The following KIAA1210 variants were observed in gnomAD, a reference collection of about 807,000 sequenced individuals.
The protein encoded by KIAA1210 is acrosomal protein KIAA1210.
Under a neutral mutation model 78.9 loss-of-function variants are expected in KIAA1210, and 48 were observed. The observed-to-expected ratio is 0.61, with a 90% CI of 0.48 to 0.77. KIAA1210 has a LOEUF of 0.77. KIAA1210 is among the 30% of genes least tolerant of loss of function. KIAA1210 has a pLI of 0.00. For missense variants in KIAA1210, 1,108 were observed against 1,100.0 expected (o/e 1.01, Z -0.10); for synonymous variants, 406 against 404.5 (o/e 1.00, Z -0.04).
At chrX:119,119,651 C>A (rs1221725155) in intron 2 of KIAA1210, among the ~76,000 whole-genome samples, 2 of 111,293 alleles carry the variant, frequency 1.8e-5, no homozygotes, top group South Asian at 3.9e-4. Context: ...TCGAGACCAG[C>A]CTGATCAACA....
intron 2 of KIAA1210, among the ~76,000 whole-genome samples, chrX:119,119,261 T>C (rs892275007): frequency 1.8e-5 from 2 of 112,372 alleles, no homozygotes; most frequent in African/African-American, 6.5e-5. Context: ...TATAACTGAA[T>C]AGTGAACTGT....
At chrX:119,143,190 C>A (rs191619913) in intron 2 of KIAA1210, among the ~76,000 whole-genome samples, 172 of 112,378 alleles carry the variant, frequency 1.5e-3, no homozygotes, top group African/African-American at 5.2e-3. Context: ...AGACTTTCTG[C>A]AGTTACCCAT....
At chrX:119,121,179 C>G (rs541813648) in intron 2 of KIAA1210, among the ~76,000 whole-genome samples, 39 of 111,470 alleles carry the variant, frequency 3.5e-4, no homozygotes, top group Middle Eastern at 4.6e-3. Flanking sequence ...ATAAATTTGG[C>G]CTTTGAAGCT....
Position 119,096,633 on chromosome X carries a change from G to A in KIAA1210, c.707C>T (p.Thr236Ile). The A allele has an allele frequency of 8.3e-7, 1 of 1,210,676 alleles. No individual in the cohort carries two copies. Among genetic ancestry groups the A allele is most frequent in the Non-Finnish European group, 1.1e-6 (1 of 894,800 alleles). Residue 236 changes from threonine to isoleucine, a missense_variant, in exon 7 of 12, where the codon ACA becomes ATA. Physicochemically the swap from Thr to Ile is moderately conservative, Grantham distance 89. Transcript: ENST00000691062. ...CTGGGTGCTACTGGTAGAGGCAAGT[G>A]TGGCAAATGCAGTCAAGGACTGTGA... ...DCSQSLTAFATLASTSSTQLP... is the reference protein window; with the variant it reads ...DCSQSLTAFAILASTSSTQLP...
Position 119,096,417 on chromosome X carries a change from C to A in KIAA1210, c.846+77G>T. The A allele has an allele frequency of 3.3e-6, 3 of 918,343 alleles. No homozygotes were observed. The South Asian group carries it at 7.5e-5, about 23-fold the overall frequency. The allele number at this position is 918,343 out of a possible 1,213,427, so 75.7% of individuals were successfully genotyped here. A position where few individuals can be genotyped will look rare whatever the true frequency, so the allele number is the denominator to read the frequency against. ...GAGTCTCCTACACCATACTATTTCC[C>A]TAGTAGTAGTTTGCAAAGGTTGGAA... On this transcript the variant is annotated intron_variant, in intron 7 of 11. Coordinates refer to ENST00000691062, the MANE Select transcript of KIAA1210 (RefSeq NM_001394962.1).
chrX:119,135,963 G>A (rs1603272373), intron 2 of KIAA1210, among the ~76,000 whole-genome samples: 1 of 110,876 alleles, frequency 9.0e-6, no homozygotes, highest in African/African-American at 3.3e-5. Context: ...CTGAGGCAGA[G>A]AATAGCTTGA....
chrX:119,098,337 G>A (rs774031469), intron 6 of KIAA1210, among the ~76,000 whole-genome samples: 1 of 111,893 alleles, frequency 8.9e-6, no homozygotes, highest in East Asian at 2.8e-4. Context: ...GGTGTGGTGG[G>A]CTCACGCCTG....
At chrX:119,086,405 G>T in intron 9 of KIAA1210, 141 bp downstream of exon 9, 1 of 534,355 alleles carries the variant, frequency 1.9e-6, no homozygotes, top group Non-Finnish European at 3.0e-6. Context: ...GCACTATTTT[G>T]CTCCCAAACT....
intron 8 of KIAA1210, among the ~76,000 whole-genome samples, chrX:119,093,015 G>C (rs1275611566): frequency 9.0e-6 from 1 of 110,878 alleles, no homozygotes; most frequent in Non-Finnish European, 1.9e-5. Flanking sequence ...AATACTGCTA[G>C]AAATCAGCTT....
intron 11 of KIAA1210, among the ~76,000 whole-genome samples, chrX:119,082,150 C>G (rs762214403): frequency 1.8e-5 from 2 of 111,895 alleles, no homozygotes; most frequent in East Asian, 5.6e-4. Flanking sequence ...ACACCAAAGC[C>G]CATGCCGTTT....
chrX:119,149,493 G>A (rs1406075743), intron 1 of KIAA1210, among the ~76,000 whole-genome samples: 4 of 111,449 alleles, frequency 3.6e-5, no homozygotes, highest in Non-Finnish European at 7.5e-5. Context: ...TGCAATGAGT[G>A]AGGTGGGTTT....
In KIAA1210 at chrX:119,087,583, T is replaced by C. The variant is rs374803695; in HGVS notation, c.3119A>G (p.Asp1040Gly). The C allele has an allele frequency of 5.0e-6, 6 of 1,209,039 alleles. No individual in the cohort carries two copies. The highest frequency in any genetic ancestry group is 1.7e-5 in the African/African-American group (1 of 57,160). Residue 1040 changes from aspartate to glycine, a missense_variant, in exon 9 of 12, where the codon GAT (aspartate) becomes GGT (glycine). Physicochemically the swap from Asp to Gly is moderately conservative, Grantham distance 94 (BLOSUM62 -1). Coordinates refer to ENST00000691062, the MANE Select transcript of KIAA1210 (RefSeq NM_001394962.1). ...SESSALKRGS[D>G]VAPLPPNLPS... ...AAGATTGGGAGGCAGAGGTGCCACA[T>C]CACTGCCCCTCTTAAGAGCAGAGCT...
intron 1 of KIAA1210, among the ~76,000 whole-genome samples, chrX:119,127,187 C>A (rs1221377408): frequency 9.0e-6 from 1 of 110,869 alleles, no homozygotes; most frequent in Non-Finnish European, 1.9e-5. Context: ...CACCCCCACC[C>A]CTGCCACTTT....
chrX:119,113,221 G>GT (rs1569318876), intron 3 of KIAA1210, among the ~76,000 whole-genome samples: 1 of 111,070 alleles, frequency 9.0e-6, no homozygotes, highest in Non-Finnish European at 1.9e-5. Context: ...GGGTACAGGA[G>GT]TTTATTTTTG....
At chrX:119,090,226 A>G (rs1465353156) in intron 8 of KIAA1210, among the ~76,000 whole-genome samples, 2 of 103,796 alleles carry the variant, frequency 1.9e-5, no homozygotes, top group Non-Finnish European at 3.9e-5. Context: ...CCCAGGCTGG[A>G]GTGAAATTGA....
Position 119,089,088 on chromosome X carries a change from C to T in KIAA1210, c.1614G>A (p.Lys538=). 1 of 1,211,846 alleles carries T rather than the reference C, an allele frequency of 8.3e-7. No individual in the cohort carries two copies. Among genetic ancestry groups the T allele is most frequent in the Non-Finnish European group, 1.1e-6 (1 of 895,431 alleles). The change falls in exon 9 of 12, where the codon AAG becomes AAA. Residue 538 remains lysine, a synonymous_variant. Transcript: ENST00000691062. The part of the protein sequence containing the change: ...DQEAFSFDLQ[K]AQSKMESAQD... ...GGGCTGACTCCATTTTGGATTGGGC[C>T]TTTTGTAAATCAAAGCTGAAAGCTT...
chrX:119,135,988 G>A (rs965290073), intron 2 of KIAA1210, among the ~76,000 whole-genome samples: 2 of 111,049 alleles, frequency 1.8e-5, no homozygotes, highest in Non-Finnish European at 3.8e-5. Flanking sequence ...GGGAGGCAGA[G>A]GTTGCAATGA....
chrX:119,093,790 G>C lies in KIAA1210; in HGVS notation c.847-15C>G, dbSNP rs1362602473. ...TTTGGTTCCACCTGAAACAGGAAAA[G>C]AAAGAGCTTGAATCCTACTGAAGTG... On this transcript the variant is annotated splice_polypyrimidine_tract_variant and intron_variant, in intron 7 of 11. Transcript: ENST00000691062. The C allele has an allele frequency of 8.7e-7, 1 of 1,151,634 alleles. No individual in the cohort carries two copies. The highest frequency in any genetic ancestry group is 1.2e-6 in the Non-Finnish European group (1 of 847,226). 94.9% of individuals were successfully genotyped at this position (1,151,634 alleles called of 1,213,427 possible).
chrX:119,129,439 T>C (rs1371118555), upstream of KIAA1210, among the ~76,000 whole-genome samples: 1 of 110,911 alleles, frequency 9.0e-6, no homozygotes, highest in African/African-American at 3.3e-5. Context: ...GATTATATGT[T>C]GAAATAGTCA....
Sources: allele counts gnomAD v4.1 joint callset (sites outside exome capture counted in the v4.1 genomes callset), GRCh38; gene constraint gnomAD v4.1.1; transcripts MANE v1.5; gene names NCBI Gene and HGNC (gene_info 2026-07-23, HGNC 2026-07-21).